The following MCF2L2 variants were observed in gnomAD, a reference collection of about 807,000 sequenced individuals.
MCF2L2 encodes the protein probable guanine nucleotide exchange factor MCF2L2.
MCF2L2 carries 102 observed loss-of-function variants against 150.2 expected under a neutral mutation model. That is an observed-to-expected ratio of 0.68 (90% confidence interval 0.58 to 0.80). The LOEUF (loss-of-function observed/expected upper bound fraction) is 0.80. Ranked by LOEUF, MCF2L2 falls within the 30% of genes least tolerant of loss-of-function variation. The pLI, the probability that MCF2L2 is intolerant of heterozygous loss-of-function variation, is 0.00. For synonymous variants in MCF2L2, 465 were observed against 491.3 expected, an observed-to-expected ratio of 0.95 and a Z score of 0.71; for missense variants, 1,256 against 1,372.8, an observed-to-expected ratio of 0.91 and a Z score of 1.34.
chr3:183,392,739 C>T (rs1714230596), intron 1 of MCF2L2, among the ~76,000 whole-genome samples: 1 of 152,186 alleles, frequency 6.6e-6, no homozygotes, highest in Admixed American at 6.5e-5. Context: ...TTGCCTGACA[C>T]TTGTGGTCCT....
At chr3:183,384,278 T>G (rs1308738263) in intron 2 of MCF2L2, among the ~76,000 whole-genome samples, 1 of 152,216 alleles carries the variant, frequency 6.6e-6, no homozygotes, top group East Asian at 1.9e-4. Flanking sequence ...GAAATTTAGT[T>G]TAGTTTAAAC....
At chr3:183,238,017 G>T (rs1723819345) in intron 15 of MCF2L2, among the ~76,000 whole-genome samples, 3 of 142,780 alleles carry the variant, frequency 2.1e-5, no homozygotes, top group African/African-American at 5.3e-5. Context: ...GGCTTTGAGT[G>T]AGATTCTTAA....
intron 21 of MCF2L2, among the ~76,000 whole-genome samples, chr3:183,217,146 T>C (rs1489956620): frequency 6.6e-6 from 1 of 150,496 alleles, no homozygotes; most frequent in Non-Finnish European, 1.5e-5. Flanking sequence ...ATACAAAAAT[T>C]AGCTTAGTGT....
At chr3:183,342,155 A>T (rs1472806570) in intron 3 of MCF2L2, among the ~76,000 whole-genome samples, 1 of 152,252 alleles carries the variant, frequency 6.6e-6, no homozygotes, top group Non-Finnish European at 1.5e-5. Flanking sequence ...TTGAGAAGAC[A>T]TCATTGTCAC....
chr3:183,182,458 A>G (rs961299672), intron 27 of MCF2L2: 1 of 152,266 alleles, frequency 6.6e-6, no homozygotes, highest in African/African-American at 2.4e-5. Flanking sequence ...GCAGAAACAC[A>G]TTTATACAAT....
intron 2 of MCF2L2, among the ~76,000 whole-genome samples, chr3:183,380,480 C>A (rs1283920460): frequency 1.3e-5 from 2 of 152,172 alleles, no homozygotes; most frequent in South Asian, 2.1e-4. Flanking sequence ...CGGCTCACTG[C>A]AACCTCTGAC....
chr3:183,250,089 G>C (rs888774027), intron 15 of MCF2L2, among the ~76,000 whole-genome samples: 4 of 152,188 alleles, frequency 2.6e-5, no homozygotes, highest in Non-Finnish European at 5.9e-5. Context: ...AAATACTACT[G>C]ACTGTTACTG....
At chr3:183,326,382 C>A (rs1297132495) in intron 5 of MCF2L2, among the ~76,000 whole-genome samples, 1 of 149,714 alleles carries the variant, frequency 6.7e-6, no homozygotes, top group South Asian at 2.1e-4. Context: ...ATCCCAGCTG[C>A]TTGGGAGGCT....
intron 3 of MCF2L2, among the ~76,000 whole-genome samples, chr3:183,342,464 T>C (rs1463968642): frequency 6.6e-6 from 1 of 152,156 alleles, no homozygotes; most frequent in Admixed American, 6.5e-5. Flanking sequence ...TGGAACCAAC[T>C]TGACTAGATT....
intron 2 of MCF2L2, 92 bp from the exon 3 acceptor site, chr3:183,379,503 T>C: frequency 1.3e-6 from 1 of 776,458 alleles, no homozygotes; most frequent in Non-Finnish European, 2.2e-6. Flanking sequence ...CGGTCACCTC[T>C]TTTCCTACCT....
chr3:183,253,503 G>C (rs1357668444), intron 15 of MCF2L2: 1 of 152,390 alleles, frequency 6.6e-6, no homozygotes, highest in Non-Finnish European at 1.5e-5. Context: ...GCCTGGGGCG[G>C]GGTTTCCCCC....
chr3:183,405,149 A>C (rs1714978048), intron 1 of MCF2L2, among the ~76,000 whole-genome samples: 1 of 152,206 alleles, frequency 6.6e-6, no homozygotes, highest in African/African-American at 2.4e-5. Context: ...AGAAAGCTAG[A>C]TCATATAATC....
chr3:183,246,242 A>G (rs1262602852), intron 15 of MCF2L2, among the ~76,000 whole-genome samples: 1 of 152,200 alleles, frequency 6.6e-6, no homozygotes, highest in Non-Finnish European at 1.5e-5. Context: ...ATAGTTCAGT[A>G]GTGTTAAGTA....
intron 15 of MCF2L2, chr3:183,269,802 A>C: frequency 6.2e-7 from 1 of 1,601,434 alleles, no homozygotes. Context: ...AGTGGATATG[A>C]GAATGTTGGT....
chr3:183,208,388 C>A (rs1017249085), intron 22 of MCF2L2, among the ~76,000 whole-genome samples: 1 of 152,180 alleles, frequency 6.6e-6, no homozygotes, highest in Admixed American at 6.5e-5. Context: ...TAACTGCATT[C>A]AACTCTGAGT....
intron 15 of MCF2L2, among the ~76,000 whole-genome samples, chr3:183,274,558 G>A (rs1213019152): frequency 1.3e-5 from 2 of 152,066 alleles, no homozygotes; most frequent in Admixed American, 6.6e-5. Flanking sequence ...GTAAGCATCC[G>A]AATTATTTGT....
chr3:183,309,947 T>A, intron 9 of MCF2L2, 112 bp from the exon 10 acceptor site: 1 of 1,218,102 alleles, frequency 8.2e-7, no homozygotes. Flanking sequence ...TCAAGACTTG[T>A]ATATATCTAT....
At chr3:183,208,456 CTGTT>C (rs534402821) in intron 22 of MCF2L2, among the ~76,000 whole-genome samples, 155 of 152,316 alleles carry the variant, frequency 1.0e-3, no homozygotes, top group Non-Finnish European at 1.8e-3. Flanking sequence ...TTTAAGAAGT[CTGTT>C]TGACTCTAGG....
At chr3:183,195,103 A>C in intron 26 of MCF2L2, 119 bp downstream of exon 26, 1 of 868,804 alleles carries the variant, frequency 1.2e-6, no homozygotes. Flanking sequence ...AAAAATTGGA[A>C]ATCCCTTGTA....
Sources: allele counts gnomAD v4.1 joint callset (sites outside exome capture counted in the v4.1 genomes callset), GRCh38; gene constraint gnomAD v4.1.1; transcripts MANE v1.5; gene names NCBI Gene and HGNC (gene_info 2026-07-23, HGNC 2026-07-21).